FAM168B: variants seen among roughly 807,000 people sequenced by gnomAD.
The protein encoded by FAM168B is myelin-associated neurite-outgrowth inhibitor.
FAM168B carries 19 observed loss-of-function variants against 21.8 expected under a neutral mutation model. The observed-to-expected ratio is 0.87, with a 90% CI of 0.61 to 1.28. The LOEUF is 1.28. FAM168B is among the 50% of genes most tolerant of loss of function. The pLI is 0.00. For synonymous variants in FAM168B, 126 were observed against 104.8 expected, an observed-to-expected ratio of 1.20 and a Z score of -1.24; for missense variants, 233 against 263.1, an observed-to-expected ratio of 0.89 and a Z score of 0.79.
Position 131,080,814 on chromosome 2 carries a change from C to T in FAM168B, c.70+1763G>A, listed in dbSNP as rs188255206. Reference sequence around the variant, plus strand: ...CATCCTAAGTAGCTGGAGATACAGGCGCCCGCCACCATGCCTGGCTAATTT... The same window carrying T: ...CATCCTAAGTAGCTGGAGATACAGGTGCCCGCCACCATGCCTGGCTAATTT... On this transcript the variant is annotated intron_variant, in intron 2 of 6. Transcript: ENST00000389915. Among the ~76,000 whole-genome samples the T allele has an allele frequency of 1.5e-3, 220 of 151,572 alleles. 1 individual carries two copies. Among genetic ancestry groups the T allele is most frequent in the African/African-American group, 5.0e-3 (208 of 41,428 alleles).
intron 1 of FAM168B, 92 bp from the exon 2 acceptor site, chr2:131,082,749 T>C (rs1453911683): frequency 1.4e-6 from 1 of 723,876 alleles, no homozygotes; most frequent in Non-Finnish European, 2.3e-6. Context: ...CTAGAGTCCT[T>C]TCTCTAGGCT....
rs1691651550 is a variant in FAM168B, at chr2:131,051,167, G to T, written c.*1298C>A. On this transcript the variant is annotated 3_prime_UTR_variant, in exon 7 of 7. Transcript: ENST00000389915. Reference sequence around the variant, plus strand: ...CAGCTGCAAAAGAGATGGCAGGAGAGGCTCGCAGACAACAGACACTGGCCT... The same window carrying T: ...CAGCTGCAAAAGAGATGGCAGGAGATGCTCGCAGACAACAGACACTGGCCT... The T allele has an allele frequency of 4.1e-6, 4 of 985,214 alleles. No homozygotes were observed. Among genetic ancestry groups the T allele is most frequent in the Non-Finnish European group, 4.8e-6 (4 of 829,950 alleles). 61.0% of individuals were successfully genotyped at this position (985,214 alleles called of 1,614,324 possible). A position where few individuals can be genotyped will look rare whatever the true frequency, so the allele number is the denominator to read the frequency against.
chr2:131,074,448 G>T (rs940447311), intron 2 of FAM168B, among the ~76,000 whole-genome samples: 8 of 152,062 alleles, frequency 5.3e-5, no homozygotes, highest in Non-Finnish European at 8.8e-5. Context: ...TTTCTATTTG[G>T]GGCACACAGC....
In FAM168B at chr2:131,049,559, C is replaced by T. The variant is rs1477498; in HGVS notation, c.*2906G>A. 8 of 985,368 alleles carry T rather than the reference C, an allele frequency of 8.1e-6. No homozygotes were observed. In the Admixed American group the frequency reaches 4.9e-4, roughly 61 times the overall value. 61.0% of individuals were successfully genotyped at this position (985,368 alleles called of 1,614,324 possible). On this transcript the variant is annotated 3_prime_UTR_variant, in exon 7 of 7. Coordinates refer to ENST00000389915, the MANE Select transcript of FAM168B (RefSeq NM_001009993.4). The stretch of plus-strand genomic sequence containing the variant: ...CACACTAAATGCTCAGCCGCCAGCA[C>T]AGATCCAAACAAGACCTCCATGAGC...
In FAM168B at chr2:131,052,366, A is replaced by C. The variant is rs1691731151; in HGVS notation, c.*99T>G. 3.0e-6 allele frequency: 3 copies of C among 986,370 alleles called. No homozygotes were observed. The highest frequency in any genetic ancestry group is 9.4e-5 in the South Asian group (2 of 21,348). 61.1% of individuals were successfully genotyped at this position (986,370 alleles called of 1,614,324 possible). On this transcript the variant is annotated 3_prime_UTR_variant, in exon 7 of 7. Coordinates refer to ENST00000389915, the MANE Select transcript of FAM168B (RefSeq NM_001009993.4). ...GTTTAGCTAAGTGTCGAGAGCATTA[A>C]GAAGAAAGTCCTGGTTGGAGGCGCA...
chr2:131,059,315 T>C (rs1692179668), intron 3 of FAM168B, among the ~76,000 whole-genome samples: 2 of 152,124 alleles, frequency 1.3e-5, no homozygotes. Flanking sequence ...GGGGCAAGGA[T>C]GTCTCAAATG....
At chr2:131,092,726 T>C (rs537191329) in intron 1 of FAM168B, among the ~76,000 whole-genome samples, 109 of 152,320 alleles carry the variant, frequency 7.2e-4, no homozygotes, top group African/African-American at 2.5e-3. Context: ...CGAAACGTCC[T>C]TTCTGAAGGA....
chr2:131,055,413 G>A lies in FAM168B; in HGVS notation c.334C>T (p.Pro112Ser), dbSNP rs990405601. The change falls in exon 5 of 7, where the codon CCT becomes TCT. Residue 112 changes from proline to serine, a missense_variant. Pro to Ser is a moderately conservative substitution (Grantham distance 74). Coordinates refer to ENST00000389915, the MANE Select transcript of FAM168B (RefSeq NM_001009993.4). ...GTGGTGTGGTGGATGACGTGAGGAG[G>A]TGCTGCATACAGCGGCTGTGTGTAG... Reference protein sequence around the residue: ...TYYTQPLYAAPPHVIHHTTVV... With the variant: ...TYYTQPLYAASPHVIHHTTVV... 8.7e-6 allele frequency: 14 copies of A among 1,609,600 alleles called. No homozygotes were observed. The highest frequency in any genetic ancestry group is 1.2e-5 in the Non-Finnish European group (14 of 1,178,516).
chr2:131,073,121 C>G (rs889540995), intron 2 of FAM168B, among the ~76,000 whole-genome samples: 1 of 151,768 alleles, frequency 6.6e-6, no homozygotes, highest in African/African-American at 2.4e-5. Context: ...AAGACAGAGT[C>G]TTGCTCTGTT....
At position 131,049,469 on chromosome 2, in the gene FAM168B, G is replaced by A. The variant is rs1457611898; in HGVS notation, c.*2996C>T. On this transcript the variant is annotated 3_prime_UTR_variant, in exon 7 of 7. Transcript: ENST00000389915. Reference sequence around the variant, plus strand: ...TAAAAGGTTCTGGAAGTGCCTTCAGGCCCATTACCATGACTGGCCCTGACT... The same window carrying A: ...TAAAAGGTTCTGGAAGTGCCTTCAGACCCATTACCATGACTGGCCCTGACT... The A allele has an allele frequency of 2.0e-5, 20 of 985,212 alleles. No individual in the cohort carries two copies. The highest frequency in any genetic ancestry group is 2.0e-5 in the Non-Finnish European group (17 of 829,938). The allele number at this position is 985,212 out of a possible 1,614,324, so 61.0% of individuals were successfully genotyped here.
chr2:131,083,944 G>A (rs1022461077), intron 1 of FAM168B, among the ~76,000 whole-genome samples: 4 of 151,616 alleles, frequency 2.6e-5, no homozygotes, highest in East Asian at 1.9e-4. Context: ...TCGCTCTGTC[G>A]CTAGGCTGGA....
chr2:131,055,649 G>C lies in FAM168B; in HGVS notation c.201C>G (p.Ser67Arg), dbSNP rs989120559. The C allele has an allele frequency of 3.7e-6, 6 of 1,613,510 alleles. No homozygotes were observed. The highest frequency in any genetic ancestry group is 5.1e-6 in the Non-Finnish European group (6 of 1,179,740). The change falls in exon 4 of 7, where the codon AGC becomes AGG. Residue 67 changes from serine (S) to arginine (R), a missense_variant. Transcript: ENST00000389915. ...TPYKVSCSPT[S>R]GAVPPYSSSP... ...AGGAGGAGTACGGTGGCACAGCCCC[G>C]CTGGTGGGGGAACAGGACACTTTGT...
rs973913927 is a variant in FAM168B at position 131,052,220 on chromosome 2, T to G, written c.*245A>C. On this transcript the variant is annotated 3_prime_UTR_variant, in exon 7 of 7. Transcript: ENST00000389915. ...AGAATAGATTAATACTCCCTTTTTA[T>G]CATTACAGTTAGCTAAAAAATTGCC... The G allele has an allele frequency of 3.0e-6, 3 of 985,724 alleles. No homozygotes were observed. The African/African-American group carries it at 5.2e-5, about 17-fold the overall frequency. The allele number at this position is 985,724 out of a possible 1,614,324, so 61.1% of individuals were successfully genotyped here. A position where few individuals can be genotyped will look rare whatever the true frequency, so the allele number is the denominator to read the frequency against.
intron 5 of FAM168B, among the ~76,000 whole-genome samples, chr2:131,054,509 A>G (rs1205320669): frequency 6.6e-6 from 1 of 152,222 alleles, no homozygotes; most frequent in Non-Finnish European, 1.5e-5. Context: ...AGCACACATA[A>G]TAACCCGGAA....
In FAM168B at chr2:131,048,054, G is replaced by T. The variant is rs879080299; in HGVS notation, c.*4411C>A. Reference sequence around the variant, plus strand: ...GCTCAGGATGGAAATTCCATTCCTTGGCATGGATACGTAAGTTCAATGCAG... The same window carrying T: ...GCTCAGGATGGAAATTCCATTCCTTTGCATGGATACGTAAGTTCAATGCAG... On this transcript the variant is annotated 3_prime_UTR_variant, in exon 7 of 7. Transcript: ENST00000389915. 1.9e-6 allele frequency: 1 copy of T among 518,506 alleles called. No individual in the cohort carries two copies. Among genetic ancestry groups the T allele is most frequent in the Non-Finnish European group, 2.8e-6 (1 of 351,878 alleles). 32.1% of individuals were successfully genotyped at this position (518,506 alleles called of 1,614,324 possible).
chr2:131,065,295 A>G (rs1339888247), intron 3 of FAM168B, among the ~76,000 whole-genome samples: 1 of 152,190 alleles, frequency 6.6e-6, no homozygotes, highest in Non-Finnish European at 1.5e-5. Flanking sequence ...GCTATTGTTC[A>G]TTTTTAAAAG....
chr2:131,068,753 C>T (rs1197888187), intron 3 of FAM168B, among the ~76,000 whole-genome samples: 1 of 152,164 alleles, frequency 6.6e-6, no homozygotes, highest in East Asian at 1.9e-4. Context: ...TGGTAGCTCA[C>T]GGCTATAATC....
chr2:131,071,800 C>T, intron 3 of FAM168B, 55 bp downstream of exon 3: 2 of 1,524,330 alleles, frequency 1.3e-6, no homozygotes, highest in Middle Eastern at 1.7e-4. Context: ...AAATCCACCC[C>T]TTCACCTTTC....
chr2:131,087,520 T>C (rs529050411), intron 1 of FAM168B, among the ~76,000 whole-genome samples: 18 of 152,160 alleles, frequency 1.2e-4, no homozygotes, highest in Non-Finnish European at 2.5e-4. Context: ...CAATAAACAA[T>C]GGATAGGATC....
Sources: gnomAD v4.1 joint callset for allele counts (sites outside exome capture counted in the v4.1 genomes callset) on GRCh38, gnomAD v4.1.1 for gene constraint, MANE v1.5 for transcripts, NCBI Gene and HGNC (gene_info 2026-07-23, HGNC 2026-07-21) for gene names.